The following KIF6 variants were observed in gnomAD, a reference collection of about 807,000 sequenced individuals.
KIF6 encodes kinesin family member 6, also known as kinesin-like protein KIF6.
Under a neutral mutation model 112.7 loss-of-function variants are expected in KIF6, and 106 were observed. The ratio of observed to expected loss-of-function variants is 0.94; its 90% CI spans 0.80 to 1.11. The LOEUF (loss-of-function observed/expected upper bound fraction) is 1.11. Ranked by LOEUF, KIF6 falls within the 50% of genes least tolerant of loss-of-function variation. The pLI is 0.00. For synonymous variants in KIF6, 339 were observed against 339.9 expected, an observed-to-expected ratio of 1.00 and a Z score of 0.03; for missense variants, 929 against 964.0, an observed-to-expected ratio of 0.96 and a Z score of 0.48.
In KIF6 at chr6:39,343,037, G is replaced by A. The variant is rs557186520; in HGVS notation, c.2428+672C>T. On this transcript the variant is annotated intron_variant, in intron 22 of 22. Transcript: ENST00000287152. The surrounding 1 kb of genome is among the most constrained non-coding windows in gnomAD (Gnocchi z 4.1). ...GGCTAAGACAAAATGCAGGCCTGGG[G>A]TAAGGGGCCCTGGGGCTTGCCCTGT... 1.0e-6 allele frequency: 1 copy of A among 985,448 alleles called. No homozygotes were observed. Among genetic ancestry groups the A allele is most frequent in the Non-Finnish European group, 1.2e-6 (1 of 829,940 alleles). The allele number at this position is 985,448 out of a possible 1,614,324, so 61.0% of individuals were successfully genotyped here. A position where few individuals can be genotyped will look rare whatever the true frequency, so the allele number is the denominator to read the frequency against.
Position 39,340,965 on chromosome 6 carries a change from C to T in KIF6, c.2428+2744G>A, listed in dbSNP as rs529682649. Among the ~76,000 whole-genome samples, 28 of 152,228 alleles carry T rather than the reference C, an allele frequency of 1.8e-4. No individual in the cohort carries two copies. The East Asian group carries it at 3.7e-3, about 20-fold the overall frequency. On this transcript the variant is annotated intron_variant, in intron 22 of 22. Transcript: ENST00000287152. ...TCCAAGCCTTCCTCCACTTGTGCCC[C>T]ACACACTGTCCCCTCTACTTTCTCA...
chr6:39,464,828 C>T (rs948341874), intron 13 of KIF6, among the ~76,000 whole-genome samples: 18 of 152,260 alleles, frequency 1.2e-4, no homozygotes, highest in Middle Eastern at 6.8e-3. Flanking sequence ...AAAAGCCTTC[C>T]GAGAACTGCT....
At chr6:39,561,029 A>C (rs1453255830) in intron 10 of KIF6, among the ~76,000 whole-genome samples, 1 of 152,246 alleles carries the variant, frequency 6.6e-6, no homozygotes, top group Non-Finnish European at 1.5e-5. Flanking sequence ...TGGAAGGCTG[A>C]CTGGGGGCAC....
At chr6:39,414,744 AC>A (rs1466684297) in intron 15 of KIF6, among the ~76,000 whole-genome samples, 3 of 152,254 alleles carry the variant, frequency 2.0e-5, no homozygotes, top group Non-Finnish European at 2.9e-5. Context: ...AAACTGAATA[AC>A]AACTGAGAGA....
intron 5 of KIF6, among the ~76,000 whole-genome samples, chr6:39,632,728 G>A (rs1013404236): frequency 1.6e-4 from 24 of 151,934 alleles, no homozygotes; most frequent in African/African-American, 5.1e-4. Context: ...GGGTTCAAGC[G>A]ATTCTCCTGC....
chr6:39,675,928 G>C (rs1003646683), intron 3 of KIF6, among the ~76,000 whole-genome samples: 3 of 151,804 alleles, frequency 2.0e-5, no homozygotes, highest in Non-Finnish European at 4.4e-5. Flanking sequence ...TACTCAAAAT[G>C]CAAGAAAGAG....
At chr6:39,715,971 T>C (rs1789826420) in intron 2 of KIF6, among the ~76,000 whole-genome samples, 1 of 152,144 alleles carries the variant, frequency 6.6e-6, no homozygotes. Flanking sequence ...TCTGAGCACA[T>C]ATTCTCAGCT....
At chr6:39,380,878 G>C (rs924531282) in intron 16 of KIF6, among the ~76,000 whole-genome samples, 21 of 152,188 alleles carry the variant, frequency 1.4e-4, no homozygotes, top group African/African-American at 4.3e-4. Context: ...TGAATTTTGA[G>C]TATTTGTTAC....
At chr6:39,354,405 A>G (rs1764485374) in intron 19 of KIF6, among the ~76,000 whole-genome samples, 1 of 152,226 alleles carries the variant, frequency 6.6e-6, no homozygotes, top group Non-Finnish European at 1.5e-5. Flanking sequence ...CTCACATGGG[A>G]CATCTATCCA....
intron 7 of KIF6, among the ~76,000 whole-genome samples, chr6:39,588,106 T>G (rs1480735035): frequency 6.6e-6 from 1 of 152,236 alleles, no homozygotes; most frequent in East Asian, 1.9e-4. Context: ...ATTCCCAAAT[T>G]ACAAACTTTG....
chr6:39,569,112 G>C (rs1780500890), intron 10 of KIF6, among the ~76,000 whole-genome samples: 2 of 152,266 alleles, frequency 1.3e-5, no homozygotes, highest in South Asian at 4.1e-4. Context: ...ACTTGTGGAG[G>C]ATGAGTCATG....
intron 13 of KIF6, among the ~76,000 whole-genome samples, chr6:39,525,808 GATAAATAAATAAATAAATAAATAA>G (rs55659921): frequency 8.1e-5 from 12 of 147,550 alleles, no homozygotes; most frequent in African/African-American, 2.5e-4. Flanking sequence ...TAACTAAATA[GATAAATAAATAAATAAATAAATAA>G]ATAAATAAAT....
At chr6:39,661,604 A>G (rs1206542849) in intron 3 of KIF6, among the ~76,000 whole-genome samples, 1 of 152,206 alleles carries the variant, frequency 6.6e-6, no homozygotes, top group Non-Finnish European at 1.5e-5. Context: ...GGAAATAAAA[A>G]TCAAACATCA....
At chr6:39,516,499 T>C (rs1777094038) in intron 13 of KIF6, among the ~76,000 whole-genome samples, 1 of 148,274 alleles carries the variant, frequency 6.7e-6, no homozygotes, top group African/African-American at 2.4e-5. Context: ...TTTTAATGTA[T>C]TTTAAAAGTA....
chr6:39,532,997 A>G (rs1455206160), intron 13 of KIF6, among the ~76,000 whole-genome samples: 3 of 152,190 alleles, frequency 2.0e-5, no homozygotes, highest in Non-Finnish European at 4.4e-5. Context: ...GGACTGACAC[A>G]CCTTTCAAAA....
chr6:39,582,256 C>T (rs559368666), intron 9 of KIF6, among the ~76,000 whole-genome samples: 1 of 152,234 alleles, frequency 6.6e-6, no homozygotes, highest in Admixed American at 6.5e-5. Context: ...ACAGTTATGC[C>T]TCCCATCCAA....
intron 12 of KIF6, among the ~76,000 whole-genome samples, chr6:39,543,334 G>T (rs868765776): frequency 4.2e-4 from 64 of 152,236 alleles, no homozygotes; most frequent in African/African-American, 1.4e-3. Flanking sequence ...ATGTGAGGGT[G>T]ACAACACCAT....
At position 39,346,122 on chromosome 6, in the gene KIF6, C is replaced by T. The variant is rs796665509; in HGVS notation, c.2232-333G>A. 8.6e-3 allele frequency among the ~76,000 whole-genome samples: 128 copies of T among 14,862 alleles called. 1 individual carries two copies. Among genetic ancestry groups the T allele is most frequent in the South Asian group, 0.023 (8 of 348 alleles). The allele number at this position is 14,862 out of a possible 152,430, so 9.8% of individuals were successfully genotyped here. ...CCCTCCCCCCCTCCCTCTCCCTCTC[C>T]CTCCCTCTCCCTCTCTCTCTCTCTC... On this transcript the variant is annotated intron_variant, in intron 20 of 22. Coordinates refer to ENST00000287152, the MANE Select transcript of KIF6 (RefSeq NM_145027.6).
At chr6:39,588,993 G>T (rs1420686812) in intron 7 of KIF6, among the ~76,000 whole-genome samples, 1 of 152,144 alleles carries the variant, frequency 6.6e-6, no homozygotes, top group African/African-American at 2.4e-5. Flanking sequence ...ATGCCAAGTT[G>T]CTCCCTAATA....
Sources: allele counts gnomAD v4.1 joint callset (sites outside exome capture counted in the v4.1 genomes callset), GRCh38; gene constraint gnomAD v4.1.1; non-coding constraint Gnocchi (gnomAD v3.1); transcripts MANE v1.5; gene names NCBI Gene and HGNC (gene_info 2026-07-23, HGNC 2026-07-21).